OPA3: variants seen among roughly 807,000 people sequenced by gnomAD.
OPA3 encodes the protein optic atrophy 3 protein.
Under a neutral mutation model 4.0 loss-of-function variants are expected in OPA3, and 6 were observed. The ratio of observed to expected loss-of-function variants is 1.51; its 90% CI spans 0.83 to 2.99. The LOEUF (loss-of-function observed/expected upper bound fraction) is 2.99. Ranked by LOEUF, OPA3 falls within the 30% of genes most tolerant of loss-of-function variation. OPA3 has a pLI of 0.00. For synonymous variants in OPA3, 105 were observed against 117.1 expected, an observed-to-expected ratio of 0.90 and a Z score of 0.67; for missense variants, 235 against 256.2, an observed-to-expected ratio of 0.92 and a Z score of 0.56.
intron 1 of OPA3, among the ~76,000 whole-genome samples, chr19:45,556,323 T>G (rs1389122553): frequency 1.3e-5 from 2 of 151,846 alleles, no homozygotes; most frequent in African/African-American, 4.8e-5. Flanking sequence ...TTATTTTTTT[T>G]GGGTAGAGAT....
intron 1 of OPA3, among the ~76,000 whole-genome samples, chr19:45,536,141 A>G (rs1328954255): frequency 6.6e-6 from 1 of 151,302 alleles, no homozygotes; most frequent in Non-Finnish European, 1.5e-5. Context: ...AGGAAGGAGA[A>G]TTGCATGAAC....
chr19:45,583,779 G>A (rs1453270329), intron 1 of OPA3, among the ~76,000 whole-genome samples: 1 of 152,176 alleles, frequency 6.6e-6, no homozygotes, highest in African/African-American at 2.4e-5. Context: ...TGGTATTACA[G>A]GTGTGAGCCA....
At chr19:45,581,236 C>A (rs556353803) in intron 1 of OPA3, among the ~76,000 whole-genome samples, 1 of 152,112 alleles carries the variant, frequency 6.6e-6, no homozygotes, top group African/African-American at 2.4e-5. Context: ...CCAACAAAGA[C>A]CCCACCAAAC....
chr19:45,575,538 A>C (rs1969753347), intron 1 of OPA3, among the ~76,000 whole-genome samples: 1 of 152,172 alleles, frequency 6.6e-6, no homozygotes, highest in Non-Finnish European at 1.5e-5. Flanking sequence ...TGAATGAATG[A>C]TCATGGTGTA....
Position 45,584,688 on chromosome 19 carries a change from C to T in OPA3, c.77G>A (p.Arg26His), listed in dbSNP as rs1302916174. 2 of 1,614,198 alleles carry T rather than the reference C, an allele frequency of 1.2e-6. No individual in the cohort carries two copies. Among genetic ancestry groups the T allele is most frequent in the South Asian group, 1.1e-5 (1 of 91,090 alleles). The change falls in exon 1 of 2, where the codon CGT (arginine) becomes CAT (histidine). Residue 26 changes from arginine (R) to histidine (H), a missense_variant. Physicochemically the swap from Arg to His is conservative, Grantham distance 29 (BLOSUM62 0). Transcript: ENST00000263275. Reference sequence around the variant, plus strand: ...GCTTCGGCGGGCGGCCTCCTTAATACGGTTGGCAAGCGGCTTGCTGACCTG... The same window carrying T: ...GCTTCGGCGGGCGGCCTCCTTAATATGGTTGGCAAGCGGCTTGCTGACCTG... Reference protein sequence around the residue: ...IRQVSKPLANRIKEAARRSEF... With the variant: ...IRQVSKPLANHIKEAARRSEF...
chr19:45,552,557 GCT>G lies in OPA3; in HGVS notation c.*955_*956del, dbSNP rs1419546441. 7.1e-6 allele frequency: 1 copy of G among 141,146 alleles called. No individual in the cohort carries two copies. Among genetic ancestry groups the G allele is most frequent in the African/African-American group, 2.7e-5 (1 of 37,294 alleles). The allele number at this position is 141,146 out of a possible 1,614,324, so 8.7% of individuals were successfully genotyped here. On this transcript the variant is annotated 3_prime_UTR_variant, in exon 2 of 2. Coordinates refer to ENST00000263275, the MANE Select transcript of OPA3 (RefSeq NM_025136.4). The stretch of plus-strand genomic sequence containing the variant: ...TTTTTTTTTTTTGAGACACAGTCTT[GCT>G]CTGTCACCCGGGCTGGAATACAGTG...
Position 45,550,563 on chromosome 19 carries a change from T to A in OPA3, c.*2951A>T. ...TCCAAGCCTCTCACTCTGCCCCTAC[T>A]ACTTCACCACCCTGGGCAGTCAGCC... On this transcript the variant is annotated 3_prime_UTR_variant, in exon 2 of 2. Transcript: ENST00000263275. 1.0e-6 allele frequency: 1 copy of A among 986,432 alleles called. No individual in the cohort carries two copies. Among genetic ancestry groups the A allele is most frequent in the Non-Finnish European group, 1.2e-6 (1 of 830,700 alleles). 61.1% of individuals were successfully genotyped at this position (986,432 alleles called of 1,614,324 possible). A position where few individuals can be genotyped will look rare whatever the true frequency, so the allele number is the denominator to read the frequency against.
At chr19:45,578,419 G>A (rs1009891393) in intron 1 of OPA3, among the ~76,000 whole-genome samples, 11 of 29,110 alleles carry the variant, frequency 3.8e-4, no homozygotes, top group South Asian at 1.3e-3. Flanking sequence ...CTCCCCCACC[G>A]CCACCCAGGA....
intron 1 of OPA3, among the ~76,000 whole-genome samples, chr19:45,530,860 C>G (rs538205402): frequency 2.1e-4 from 31 of 144,416 alleles, no homozygotes; most frequent in African/African-American, 6.9e-4. Flanking sequence ...CTCCCAGATT[C>G]AAGCCATTCT....
In OPA3 at chr19:45,553,668, A is replaced by T. The variant is rs1324813776; in HGVS notation, c.386T>A (p.Leu129Gln). The change falls in exon 2 of 2, where the codon CTG (leucine) becomes CAG (glutamine). Residue 129 changes from leucine to glutamine, a missense_variant. Leu to Gln is a moderately radical substitution (Grantham distance 113, BLOSUM62 -2). Transcript: ENST00000263275. The stretch of plus-strand genomic sequence containing the variant: ...CTGCAGCGCTTCCAGCGCCAGCGCC[A>T]GGTGGCCCACCTCGTCCCGCAGCGC... ...WNALRDEVGHLALALEALQAQ... is the reference protein window; with the variant it reads ...WNALRDEVGHQALALEALQAQ... 6.2e-6 allele frequency: 10 copies of T among 1,605,220 alleles called. No individual in the cohort carries two copies. The highest frequency in any genetic ancestry group is 8.5e-6 in the Non-Finnish European group (10 of 1,178,440).
chr19:45,572,449 TATG>T (rs1969688948), intron 1 of OPA3, among the ~76,000 whole-genome samples: 2 of 135,810 alleles, frequency 1.5e-5, no homozygotes, highest in African/African-American at 5.3e-5. Flanking sequence ...TATATCAATA[TATG>T]ATATATATCA....
chr19:45,532,171 AG>A (rs1270531301), intron 1 of OPA3, among the ~76,000 whole-genome samples: 3 of 152,204 alleles, frequency 2.0e-5, no homozygotes, highest in Non-Finnish European at 4.4e-5. Flanking sequence ...CTGGACACCA[AG>A]GCTCAGGTAG....
intron 1 of OPA3, among the ~76,000 whole-genome samples, chr19:45,562,602 G>C (rs1264228): frequency 6.6e-6 from 1 of 151,830 alleles, no homozygotes; most frequent in Non-Finnish European, 1.5e-5. Flanking sequence ...GGCAGGAGAA[G>C]CTCTTGAACC....
Position 45,549,327 on chromosome 19 carries a change from A to T in OPA3, c.*4187T>A. On this transcript the variant is annotated 3_prime_UTR_variant, in exon 2 of 2. Transcript: ENST00000263275. ...CCCCTGACGCCGCAGTGGGGGAAGT[A>T]GATGGCCCTGCTGCCCACGATGACT... 1 of 984,482 alleles carries T rather than the reference A, an allele frequency of 1.0e-6. No individual in the cohort carries two copies. Among genetic ancestry groups the T allele is most frequent in the African/African-American group, 1.8e-5 (1 of 56,944 alleles). 61.0% of individuals were successfully genotyped at this position (984,482 alleles called of 1,614,324 possible).
At chr19:45,553,969 CT>C (rs747557092) in intron 1 of OPA3, 58 bp from the exon 2 acceptor site, 36 of 1,448,566 alleles carry the variant, frequency 2.5e-5, no homozygotes, top group Non-Finnish European at 3.2e-5. Context: ...AGCCCCACCC[CT>C]CTCACCCAGG....
At chr19:45,538,326 G>T (rs1472239723) in intron 1 of OPA3, among the ~76,000 whole-genome samples, 1 of 151,930 alleles carries the variant, frequency 6.6e-6, no homozygotes, top group East Asian at 1.9e-4. Context: ...GAGGCTGAGG[G>T]GGGAGGATTG....
At chr19:45,540,178 G>A (rs1969168097) in intron 1 of OPA3, among the ~76,000 whole-genome samples, 1 of 151,928 alleles carries the variant, frequency 6.6e-6, no homozygotes, top group African/African-American at 2.4e-5. Context: ...TTAGCCGGGT[G>A]TGGTGGCGTG....
At chr19:45,534,502 A>G (rs1169477186) in intron 1 of OPA3, among the ~76,000 whole-genome samples, 1 of 130,254 alleles carries the variant, frequency 7.7e-6, no homozygotes, top group Non-Finnish European at 1.6e-5. Context: ...TGGAGGTTGT[A>G]GTGAGCCAAG....
chr19:45,554,015 C>A, intron 1 of OPA3, 104 bp from the exon 2 acceptor site: 1 of 869,346 alleles, frequency 1.2e-6, no homozygotes. Context: ...ACCCAGGGGT[C>A]TTTTAAAAGA....
Sources: gnomAD v4.1 joint callset for allele counts (sites outside exome capture counted in the v4.1 genomes callset) on GRCh38, gnomAD v4.1.1 for gene constraint, MANE v1.5 for transcripts, NCBI Gene and HGNC (gene_info 2026-07-23, HGNC 2026-07-21) for gene names.